Variants in CPT1A observed in about 807,000 individuals in gnomAD.
CPT1A encodes carnitine O-palmitoyltransferase 1, liver isoform.
A neutral mutation model predicts 100.8 loss-of-function variants in CPT1A; 64 were observed. The ratio of observed to expected loss-of-function variants is 0.63; its 90% CI spans 0.52 to 0.78. CPT1A has a LOEUF of 0.78. CPT1A is among the 30% of genes least tolerant of loss of function. The pLI is 0.00. For synonymous variants in CPT1A, 363 were observed against 396.0 expected (o/e 0.92, Z 0.99); for missense variants, 802 against 1,034.1 (o/e 0.78, Z 3.08).
At chr11:68,809,936 G>A (rs974199744) in intron 3 of CPT1A, among the ~76,000 whole-genome samples, 2 of 152,234 alleles carry the variant, frequency 1.3e-5, no homozygotes, top group Non-Finnish European at 2.9e-5. Flanking sequence ...CCAGCACTTT[G>A]GGAGGACAAG....
intron 1 of CPT1A, among the ~76,000 whole-genome samples, chr11:68,825,578 G>T (rs576777486): frequency 3.3e-5 from 5 of 152,148 alleles, no homozygotes; most frequent in African/African-American, 1.2e-4. Context: ...GTCACCACCT[G>T]CTTGCCCAAC....
chr11:68,833,892 C>G (rs1594379710), intron 1 of CPT1A, among the ~76,000 whole-genome samples: 2 of 151,962 alleles, frequency 1.3e-5, no homozygotes, highest in Non-Finnish European at 2.9e-5. Context: ...GGGTCTTGTT[C>G]TGTTGCCGAG....
chr11:68,842,191 C>T (rs934758809), upstream of CPT1A, among the ~76,000 whole-genome samples: 2 of 152,166 alleles, frequency 1.3e-5, no homozygotes, highest in Non-Finnish European at 2.9e-5. Context: ...CTGATCCTCG[C>T]GACTTATCTA....
chr11:68,778,218 C>T lies in CPT1A; in HGVS notation c.1458+2422G>A, dbSNP rs1855193813. Among the ~76,000 whole-genome samples, 3 of 151,990 alleles carry T rather than the reference C, an allele frequency of 2.0e-5. No individual in the cohort carries two copies. The South Asian group carries it at 6.2e-4, about 32-fold the overall frequency. The stretch of plus-strand genomic sequence containing the variant: ...AGGTAGAGGAAGATGAGACAGGAGC[C>T]CCTAACCTAGTCTTGGGAGAGGGTA... On this transcript the variant is annotated intron_variant, in intron 12 of 18. Transcript: ENST00000265641.
chr11:68,773,805 T>C (rs1462079404), intron 13 of CPT1A: 2 of 314,934 alleles, frequency 6.4e-6, no homozygotes, highest in Admixed American at 4.5e-5. Flanking sequence ...ATGGAGCTGG[T>C]GACCAGCAGC....
intron 5 of CPT1A, among the ~76,000 whole-genome samples, chr11:68,802,704 A>C (rs1473558509): frequency 6.6e-6 from 1 of 151,798 alleles, no homozygotes; most frequent in East Asian, 1.9e-4. Context: ...ACTGCACTCC[A>C]GCCTGGGTGA....
rs180958689 is a variant in CPT1A, at chr11:68,755,099, C to T, written c.*2545G>A. ...CTTGGACATGTACAATAAGACCCCTCTTTCTCCCCTCAAGGAATATAAAAT... is the reference window on the plus strand; with the variant it reads ...CTTGGACATGTACAATAAGACCCCTTTTTCTCCCCTCAAGGAATATAAAAT... On this transcript the variant is annotated 3_prime_UTR_variant, in exon 19 of 19. Coordinates refer to ENST00000265641, the MANE Select transcript of CPT1A (RefSeq NM_001876.4). 1.9e-5 allele frequency: 9 copies of T among 480,926 alleles called. No individual in the cohort carries two copies. The highest frequency in any genetic ancestry group is 1.2e-4 in the African/African-American group (6 of 51,958). The allele number at this position is 480,926 out of a possible 1,614,324, so 29.8% of individuals were successfully genotyped here. A position where few individuals can be genotyped will look rare whatever the true frequency, so the allele number is the denominator to read the frequency against.
chr11:68,762,703 C>G lies in CPT1A; in HGVS notation c.1799G>C (p.Gly600Ala), dbSNP rs1173933704. The change falls in exon 15 of 19, where the codon GGG becomes GCG. Residue 600 changes from glycine (G) to alanine (A), a missense_variant. Gly to Ala is a moderately conservative substitution (Grantham distance 60). Transcript: ENST00000265641. ...GCAGGAGCGCACGGTCTCCGTCCTC[C>G]CCTCTCGGAAGAGCCGGGTCATGGA... ...EASMTRLFRE[G>A]RTETVRSCTT... 2 of 1,614,052 alleles carry G rather than the reference C, an allele frequency of 1.2e-6. No individual in the cohort carries two copies. The highest frequency in any genetic ancestry group is 8.5e-7 in the Non-Finnish European group (1 of 1,180,030).
chr11:68,832,506 T>C (rs1049268682), intron 1 of CPT1A, among the ~76,000 whole-genome samples: 1 of 152,120 alleles, frequency 6.6e-6, no homozygotes, highest in African/African-American at 2.4e-5. Context: ...CTCCAAAACT[T>C]ATACTCTTAA....
At chr11:68,760,150 G>C in intron 17 of CPT1A, 75 bp downstream of exon 17, 1 of 1,037,882 alleles carries the variant, frequency 9.6e-7, no homozygotes, top group Non-Finnish European at 1.5e-6. Context: ...CCAGCACGGA[G>C]ATGGGCCCAT....
In CPT1A at chr11:68,815,336, T is replaced by G; in HGVS notation, c.139A>C (p.Lys47Gln). The G allele has an allele frequency of 1.2e-6, 2 of 1,610,836 alleles. No individual in the cohort carries two copies. The highest frequency in any genetic ancestry group is 1.7e-6 in the Non-Finnish European group (2 of 1,178,818). The part of the protein sequence containing the change: ...HSWKKKFIRF[K>Q]NGIITGVYPA... Reference sequence around the variant, plus strand: ...GATTTCAACAAATCTCAGAAAACCTTGAATCTGATGAACTTCTTTTTCCAG... The same window carrying G: ...GATTTCAACAAATCTCAGAAAACCTGGAATCTGATGAACTTCTTTTTCCAG... The change falls in exon 2 of 19, where the codon AAG (lysine) becomes CAG (glutamine). Residue 47 changes from lysine to glutamine, a missense_variant and splice_region_variant. Physicochemically the swap from Lys to Gln is moderately conservative, Grantham distance 53. Transcript: ENST00000265641.
chr11:68,811,896 G>T (rs1448289838), intron 3 of CPT1A, among the ~76,000 whole-genome samples: 2 of 152,028 alleles, frequency 1.3e-5, no homozygotes, highest in Non-Finnish European at 2.9e-5. Flanking sequence ...CTTATCTCTT[G>T]GTAGCAAGAA....
intron 7 of CPT1A, among the ~76,000 whole-genome samples, chr11:68,795,888 G>A (rs535224202): frequency 2.7e-5 from 4 of 148,354 alleles, no homozygotes; most frequent in Non-Finnish European, 3.0e-5. Flanking sequence ...CAGCCTCAGC[G>A]ACAGAGCAAG....
intron 18 of CPT1A, among the ~76,000 whole-genome samples, chr11:68,758,977 C>T (rs1946747835): frequency 6.6e-6 from 1 of 152,074 alleles, no homozygotes; most frequent in Non-Finnish European, 1.5e-5. Flanking sequence ...TGGCTGGGCA[C>T]AGTGGCTGAA....
In CPT1A at chr11:68,839,458, C is replaced by T. The variant is rs1036998743; in HGVS notation, c.-14+2317G>A. Reference sequence around the variant, plus strand: ...CTGGCGCGTCCCAGGCGCTCGGATCCTGTTCCACCCGCCGTGCCCACAGAG... The same window carrying T: ...CTGGCGCGTCCCAGGCGCTCGGATCTTGTTCCACCCGCCGTGCCCACAGAG... On this transcript the variant is annotated intron_variant, in intron 1 of 18. Coordinates refer to ENST00000265641, the MANE Select transcript of CPT1A (RefSeq NM_001876.4). 10 of 965,112 alleles carry T rather than the reference C, an allele frequency of 1.0e-5. No individual in the cohort carries two copies. In the Admixed American group the frequency reaches 2.5e-4, roughly 24 times the overall value. The allele number at this position is 965,112 out of a possible 1,614,324, so 59.8% of individuals were successfully genotyped here. A position where few individuals can be genotyped will look rare whatever the true frequency, so the allele number is the denominator to read the frequency against.
intron 1 of CPT1A, among the ~76,000 whole-genome samples, chr11:68,826,047 C>T (rs1051580536): frequency 6.6e-6 from 1 of 152,188 alleles, no homozygotes; most frequent in Admixed American, 6.5e-5. Flanking sequence ...TAAAGCCATT[C>T]GCACCACACC....
chr11:68,782,836 C>CGG (rs1566356260), intron 10 of CPT1A, among the ~76,000 whole-genome samples: 2 of 152,166 alleles, frequency 1.3e-5, no homozygotes, highest in Non-Finnish European at 1.5e-5. Flanking sequence ...AAAGGTGACG[C>CGG]TGACGGTGGC....
At chr11:68,799,468 G>T (rs1320189470) in intron 5 of CPT1A, 113 bp from the exon 6 acceptor site, 3 of 1,208,068 alleles carry the variant, frequency 2.5e-6, no homozygotes, top group Non-Finnish European at 3.6e-6. Flanking sequence ...AAGGTTTTAG[G>T]CTGGGCATGG....
intron 1 of CPT1A, among the ~76,000 whole-genome samples, chr11:68,836,646 C>T (rs1030507032): frequency 2.6e-5 from 4 of 152,004 alleles, no homozygotes; most frequent in Non-Finnish European, 2.9e-5. Flanking sequence ...GTGGCATGCC[C>T]CTGTAGTCCC....
Sources: allele counts gnomAD v4.1 joint callset (sites outside exome capture counted in the v4.1 genomes callset), GRCh38; gene constraint gnomAD v4.1.1; transcripts MANE v1.5; gene names NCBI Gene and HGNC (gene_info 2026-07-23, HGNC 2026-07-21).